PUS7: variants seen among roughly 807,000 people sequenced by gnomAD.
PUS7 encodes pseudouridylate synthase 7 homolog.
In PUS7, 48 loss-of-function variants were observed where a neutral mutation model predicts 79.8. The ratio of observed to expected loss-of-function variants is 0.60; its 90% CI spans 0.48 to 0.76. PUS7 has a LOEUF of 0.76. Ranked by LOEUF, PUS7 falls within the 30% of genes least tolerant of loss-of-function variation. The pLI is 0.00. For missense variants in PUS7, 729 were observed against 797.6 expected (o/e 0.91, Z 1.04); for synonymous variants, 286 against 272.2 (o/e 1.05, Z -0.50).
chr7:105,463,646 T>C (rs542389491), intron 13 of PUS7, among the ~76,000 whole-genome samples: 1 of 196 alleles, frequency 5.1e-3, no homozygotes, highest in African/African-American at 6.3e-3. Context: ...TCTGCAGTTC[T>C]TTTTTTTTTT....
intron 1 of PUS7, among the ~76,000 whole-genome samples, chr7:105,513,301 G>A (rs747923414): frequency 5.9e-5 from 9 of 152,154 alleles, no homozygotes; most frequent in Non-Finnish European, 1.0e-4. Context: ...ACACAGCTTG[G>A]CACAGGGACT....
chr7:105,507,055 A>T (rs1455928269), intron 2 of PUS7, among the ~76,000 whole-genome samples: 1 of 151,554 alleles, frequency 6.6e-6, no homozygotes, highest in East Asian at 1.9e-4. Context: ...TATTACTATT[A>T]TTTTTTTTGA....
At chr7:105,465,952 G>C (rs1454718227) in intron 12 of PUS7, among the ~76,000 whole-genome samples, 2 of 152,166 alleles carry the variant, frequency 1.3e-5, no homozygotes, top group Non-Finnish European at 2.9e-5. Flanking sequence ...GAGCCCAGGA[G>C]TTCCAGAGCA....
chr7:105,507,039 T>G (rs1331623179), intron 2 of PUS7, among the ~76,000 whole-genome samples: 1 of 152,078 alleles, frequency 6.6e-6, no homozygotes, highest in East Asian at 1.9e-4. Flanking sequence ...TTTAAAAATT[T>G]TATTTTATTA....
At position 105,481,052 on chromosome 7, in the gene PUS7, C is replaced by T; in HGVS notation, c.1175G>A (p.Arg392Lys). Reference sequence around the variant, plus strand: ...TTGATAAAAGAAATTAAATACCAACCTTCCAACCTGATACGTAGGGACAGC... The same window carrying T: ...TTGATAAAAGAAATTAAATACCAACTTTCCAACCTGATACGTAGGGACAGC... ...TTAVPTYQVG[R>K]AILQNSWTEV... Residue 392 changes from arginine (R) to lysine (K), a missense_variant and splice_region_variant, in exon 9 of 16, where the codon AGA (arginine) becomes AAA (lysine). Physicochemically the swap from Arg to Lys is conservative, Grantham distance 26. Transcript: ENST00000469408. 6.2e-7 allele frequency: 1 copy of T among 1,606,214 alleles called. No homozygotes were observed. Among genetic ancestry groups the T allele is most frequent in the Non-Finnish European group, 8.5e-7 (1 of 1,176,654 alleles).
At chr7:105,465,609 G>C (rs536510514) in intron 12 of PUS7, among the ~76,000 whole-genome samples, 195 bp from the exon 13 acceptor site, 1 of 152,110 alleles carries the variant, frequency 6.6e-6, no homozygotes, top group South Asian at 2.1e-4. Flanking sequence ...AAGGTGGGTG[G>C]ATCACCCAAG....
At chr7:105,463,253 A>G (rs1823508047) in intron 13 of PUS7, among the ~76,000 whole-genome samples, 2 of 152,224 alleles carry the variant, frequency 1.3e-5, no homozygotes, top group African/African-American at 4.8e-5. Context: ...ACAGTCATTA[A>G]TGGGGAAATA....
chr7:105,480,937 T>C, intron 9 of PUS7, 115 bp downstream of exon 9: 1 of 1,218,656 alleles, frequency 8.2e-7, no homozygotes, highest in Non-Finnish European at 1.1e-6. Context: ...CATGAAACTG[T>C]GGTTCATTTG....
intron 6 of PUS7, among the ~76,000 whole-genome samples, 153 bp downstream of exon 6, chr7:105,494,989 A>AAAAAG (rs1554348284): frequency 6.7e-6 from 1 of 149,710 alleles, no homozygotes; most frequent in Non-Finnish European, 1.5e-5. Context: ...AAAAAAAAAA[A>AAAAAG]AAAGAAAGAA....
chr7:105,461,578 ATAG>A (rs1478969096), intron 14 of PUS7, among the ~76,000 whole-genome samples: 2 of 152,210 alleles, frequency 1.3e-5, no homozygotes, highest in Non-Finnish European at 2.9e-5. Context: ...AGTGGTAACA[ATAG>A]TAGTAATAAC....
chr7:105,496,867 C>A, intron 5 of PUS7: 1 of 865,430 alleles, frequency 1.2e-6, no homozygotes. Context: ...AGCTCACTAT[C>A]AGTTAAGCAA....
intron 13 of PUS7, among the ~76,000 whole-genome samples, chr7:105,464,500 A>C (rs1823558930): frequency 6.6e-6 from 1 of 152,190 alleles, no homozygotes. Flanking sequence ...GATGGAACAT[A>C]AAGGCAGAGG....
At chr7:105,482,198 C>G in intron 8 of PUS7, 114 bp downstream of exon 8, 3 of 1,262,190 alleles carry the variant, frequency 2.4e-6, no homozygotes, top group Non-Finnish European at 3.3e-6. Context: ...CCCTTGCTGC[C>G]ACTCCTGTTC....
rs141691957 is a variant in PUS7, at chr7:105,475,346, T to C, written c.1176-3153A>G. 5.7e-3 allele frequency among the ~76,000 whole-genome samples: 871 copies of C among 152,084 alleles called. 9 individuals are homozygous for C. The highest frequency in any genetic ancestry group is 0.035 in the South Asian group (168 of 4,812). On this transcript the variant is annotated intron_variant, in intron 9 of 15. Transcript: ENST00000469408. ...GACTACAGGCGCGCGCCACCACGCC[T>C]GGCTAATTTTTTATATTGTTAGTAG...
In PUS7 at chr7:105,483,602, TC is replaced by T. The variant is rs199579341; in HGVS notation, c.921-1163del. Among the ~76,000 whole-genome samples, 19 of 152,216 alleles carry T rather than the reference TC, an allele frequency of 1.2e-4. No individual in the cohort carries two copies. In the East Asian group the frequency reaches 3.1e-3, roughly 25 times the overall value. On this transcript the variant is annotated intron_variant, in intron 7 of 15. Transcript: ENST00000469408. ...GCGTGAGATAAGTTCAAGAGATTCTTCTGCCTGAGCCTCCCGAGTAGCTGAG... is the reference window on the plus strand; with the variant it reads ...GCGTGAGATAAGTTCAAGAGATTCTTTGCCTGAGCCTCCCGAGTAGCTGAG...
chr7:105,485,074 G>A (rs1824489074), intron 7 of PUS7, among the ~76,000 whole-genome samples: 1 of 151,838 alleles, frequency 6.6e-6, no homozygotes, highest in Admixed American at 6.6e-5. Flanking sequence ...GGTTGGCCAG[G>A]CTGGTCTCAA....
chr7:105,463,944 T>C (rs907144093), intron 13 of PUS7, among the ~76,000 whole-genome samples: 1 of 152,168 alleles, frequency 6.6e-6, no homozygotes, highest in Non-Finnish European at 1.5e-5. Context: ...AAGTTACTCA[T>C]AAAAAATATT....
chr7:105,489,361 C>G (rs1421035561), intron 7 of PUS7, among the ~76,000 whole-genome samples: 1 of 151,982 alleles, frequency 6.6e-6, no homozygotes, highest in African/African-American at 2.4e-5. Context: ...CCCTGTCCCC[C>G]TACCCCCATT....
At chr7:105,511,893 C>T (rs1326653567) in intron 1 of PUS7, among the ~76,000 whole-genome samples, 1 of 152,048 alleles carries the variant, frequency 6.6e-6, no homozygotes, top group East Asian at 1.9e-4. Flanking sequence ...CGCCTGTAAT[C>T]CCAACACTTT....
Sources: gnomAD v4.1 joint callset for allele counts (sites outside exome capture counted in the v4.1 genomes callset) on GRCh38, gnomAD v4.1.1 for gene constraint, MANE v1.5 for transcripts, NCBI Gene and HGNC (gene_info 2026-07-23, HGNC 2026-07-21) for gene names.